Variants in NHSL2 observed in about 807,000 individuals in gnomAD.
NHSL2 encodes NHS like 2.
A neutral mutation model predicts 53.4 loss-of-function variants in NHSL2; 27 were observed. The ratio of observed to expected loss-of-function variants is 0.51; its 90% CI spans 0.37 to 0.70. NHSL2 has a LOEUF of 0.70. Among genes scored for constraint, NHSL2 ranks in the 30% least tolerant of loss-of-function variants. The probability of loss-of-function intolerance (pLI) is 0.00; values close to 1 mark genes in which losing one functional copy is unlikely to be tolerated. For synonymous variants in NHSL2, 408 were observed against 404.1 expected, an observed-to-expected ratio of 1.01 and a Z score of -0.12; for missense variants, 892 against 980.1, an observed-to-expected ratio of 0.91 and a Z score of 1.20.
intron 1 of NHSL2, among the ~76,000 whole-genome samples, chrX:72,013,326 T>C (rs2042123318): frequency 8.9e-6 from 1 of 111,915 alleles, no homozygotes; most frequent in Non-Finnish European, 1.9e-5. Context: ...AATTTCAGCA[T>C]CCATGTGTTC....
At chrX:71,942,586 T>A (rs1344452549) in intron 1 of NHSL2, among the ~76,000 whole-genome samples, 3 of 112,712 alleles carry the variant, frequency 2.7e-5, no homozygotes, top group African/African-American at 9.7e-5. Flanking sequence ...GAAGAAAATA[T>A]AACTAACATA....
chrX:71,955,795 C>CTT (rs778081452), intron 1 of NHSL2, among the ~76,000 whole-genome samples: 2 of 100,118 alleles, frequency 2.0e-5, no homozygotes, highest in Admixed American at 2.2e-4. Flanking sequence ...CTTAAATTGA[C>CTT]TTTTTTTTTT....
At chrX:72,094,376 C>T (rs1602363413) in intron 1 of NHSL2, among the ~76,000 whole-genome samples, 1 of 111,993 alleles carries the variant, frequency 8.9e-6, no homozygotes, top group East Asian at 2.8e-4. Context: ...TGAGCACATA[C>T]ATAGCACATT....
Position 72,115,679 on chromosome X carries a change from T to G in NHSL2, c.281-16400T>G, listed in dbSNP as rs754699178. 6.3e-5 allele frequency among the ~76,000 whole-genome samples: 7 copies of G among 110,354 alleles called. No individual in the cohort carries two copies. The Admixed American group carries it at 6.7e-4, about 11-fold the overall frequency. On this transcript the variant is annotated intron_variant, in intron 1 of 7. Transcript: ENST00000633930. ...CGGATAAGACAACCCCCTTGTGATATGCAACTGCTCAGTGGATGTCCTGCC... is the reference window on the plus strand; with the variant it reads ...CGGATAAGACAACCCCCTTGTGATAGGCAACTGCTCAGTGGATGTCCTGCC...
At chrX:72,086,975 G>T (rs924849273) in intron 1 of NHSL2, among the ~76,000 whole-genome samples, 1 of 111,873 alleles carries the variant, frequency 8.9e-6, no homozygotes, top group South Asian at 3.7e-4. Flanking sequence ...TCAGTTGCAT[G>T]AATGTTCATA....
intron 1 of NHSL2, among the ~76,000 whole-genome samples, chrX:71,998,698 G>A (rs902286518): frequency 9.0e-6 from 1 of 111,564 alleles, no homozygotes; most frequent in Non-Finnish European, 1.9e-5. Flanking sequence ...GATGGTCAGT[G>A]GCCTTTCAGC....
intron 7 of NHSL2, 79 bp downstream of exon 7, chrX:72,142,443 A>T: frequency 7.7e-6 from 6 of 779,109 alleles, no homozygotes; most frequent in Non-Finnish European, 9.0e-6. Context: ...TTCCACATTG[A>T]AATCCTAATT....
rs1323875327 is a variant in NHSL2 at position 72,151,832 on chromosome X, T to C, written c.*8258T>C. 8.9e-6 allele frequency: 1 copy of C among 112,407 alleles called. No homozygotes were observed. The highest frequency in any genetic ancestry group is 3.2e-5 in the African/African-American group (1 of 30,941). 9.3% of individuals were successfully genotyped at this position (112,407 alleles called of 1,213,427 possible). Reference sequence around the variant, plus strand: ...TTGGAAAGTCTGGCAGCCCAGGCCATAGGATTCCAGTTCAGCCTACGATTT... The same window carrying C: ...TTGGAAAGTCTGGCAGCCCAGGCCACAGGATTCCAGTTCAGCCTACGATTT... On this transcript the variant is annotated 3_prime_UTR_variant, in exon 8 of 8. Coordinates refer to ENST00000633930, the MANE Select transcript of NHSL2 (RefSeq NM_001013627.3).
chrX:72,069,513 G>A (rs1399822710), intron 1 of NHSL2: 1 of 311,333 alleles, frequency 3.2e-6, no homozygotes, highest in South Asian at 2.0e-4. Flanking sequence ...TGTGCCAGGG[G>A]CACAAGTGGG....
intron 1 of NHSL2, among the ~76,000 whole-genome samples, chrX:71,951,059 GA>G (rs767635894): frequency 1.1e-5 from 1 of 93,945 alleles, no homozygotes; most frequent in Admixed American, 1.1e-4. Flanking sequence ...GCATCATGTT[GA>G]AAAAAAATAG....
chrX:72,098,455 C>T (rs1423646406), intron 1 of NHSL2, among the ~76,000 whole-genome samples: 1 of 109,894 alleles, frequency 9.1e-6, no homozygotes, highest in Admixed American at 9.7e-5. Flanking sequence ...GTGGCGGGCG[C>T]CTGTAGTCCC....
chrX:72,072,734 C>G (rs1351357595), intron 1 of NHSL2, among the ~76,000 whole-genome samples: 3 of 112,415 alleles, frequency 2.7e-5, no homozygotes, highest in African/African-American at 9.7e-5. Context: ...TCACCCCCTC[C>G]TCGGTACTAA....
At chrX:72,052,355 C>T (rs942384795) in intron 1 of NHSL2, among the ~76,000 whole-genome samples, 2 of 112,447 alleles carry the variant, frequency 1.8e-5, no homozygotes, top group African/African-American at 6.5e-5. Flanking sequence ...GGCCTCAGGG[C>T]GAGCTTGCTT....
In NHSL2 at chrX:72,146,269, A is replaced by C. The variant is rs2042463062; in HGVS notation, c.*2695A>C. 3 of 111,334 alleles carry C rather than the reference A, an allele frequency of 2.7e-5. No homozygotes were observed. Among genetic ancestry groups the C allele is most frequent in the South Asian group, 7.6e-4 (2 of 2,642 alleles). 9.2% of individuals were successfully genotyped at this position (111,334 alleles called of 1,213,427 possible). On this transcript the variant is annotated 3_prime_UTR_variant, in exon 8 of 8. Transcript: ENST00000633930. The stretch of plus-strand genomic sequence containing the variant: ...CCAAACTGTAAAATTTCTACTAATC[A>C]CTAATTAACAGAACACAAAGCATCT...
intron 1 of NHSL2, among the ~76,000 whole-genome samples, chrX:71,949,587 G>C (rs2041810467): frequency 9.0e-6 from 1 of 111,566 alleles, no homozygotes; most frequent in African/African-American, 3.3e-5. Context: ...TCACTGCATT[G>C]GACAGCCACT....
chrX:71,997,306 G>C, intron 1 of NHSL2, among the ~76,000 whole-genome samples: 1 of 111,765 alleles, frequency 8.9e-6, no homozygotes, highest in Non-Finnish European at 1.9e-5. Context: ...AGCCTCCCTC[G>C]TGCAGCCTTA....
intron 1 of NHSL2, among the ~76,000 whole-genome samples, chrX:72,061,205 C>T (rs180739938): frequency 6.6e-4 from 74 of 111,731 alleles, no homozygotes; most frequent in African/African-American, 2.2e-3. Flanking sequence ...TTTCTTTTTT[C>T]GGAATGCCCA....
intron 1 of NHSL2, among the ~76,000 whole-genome samples, chrX:71,972,866 T>TTGTGTGTGTGTGTGTG (rs372160139): frequency 1.1e-5 from 1 of 93,800 alleles, no homozygotes; most frequent in African/African-American, 3.9e-5. Flanking sequence ...ATCTTTATTG[T>TTGTGTGTGTGTGTGTG]TGTGTGTGTG....
intron 7 of NHSL2, among the ~76,000 whole-genome samples, 174 bp from the exon 8 acceptor site, chrX:72,143,079 C>T (rs765580237): frequency 1.8e-5 from 2 of 110,996 alleles, no homozygotes; most frequent in South Asian, 3.9e-4. Context: ...AATATGGGGA[C>T]GGGAGGGCCC....
Sources: allele counts gnomAD v4.1 joint callset (sites outside exome capture counted in the v4.1 genomes callset), GRCh38; gene constraint gnomAD v4.1.1; transcripts MANE v1.5; gene names NCBI Gene and HGNC (gene_info 2026-07-23, HGNC 2026-07-21).